The following CPA6 variants were observed in gnomAD, a reference collection of about 807,000 sequenced individuals.
CPA6 encodes carboxypeptidase B.
CPA6 carries 58 observed loss-of-function variants against 63.3 expected under a neutral mutation model. That is an observed-to-expected ratio of 0.92 (90% CI 0.74 to 1.14). The LOEUF is 1.14. Ranked by LOEUF, CPA6 falls within the 50% of genes most tolerant of loss-of-function variation. The pLI, the probability that CPA6 is intolerant of heterozygous loss-of-function variation, is 0.00. For synonymous variants in CPA6, 185 were observed against 179.0 expected, an observed-to-expected ratio of 1.03 and a Z score of -0.27; for missense variants, 565 against 526.6, an observed-to-expected ratio of 1.07 and a Z score of -0.71.
At chr8:67,536,621 A>G (rs906152563) in intron 2 of CPA6, among the ~76,000 whole-genome samples, 10 of 152,328 alleles carry the variant, frequency 6.6e-5, no homozygotes, top group Admixed American at 3.9e-4. Context: ...TTTTCTAAAT[A>G]TGCAATCATG....
chr8:67,480,931 C>T (rs374456603), intron 8 of CPA6, among the ~76,000 whole-genome samples: 4 of 152,192 alleles, frequency 2.6e-5, no homozygotes, highest in South Asian at 4.1e-4. Flanking sequence ...TGACGTTGAG[C>T]GTATTTTCAT....
intron 1 of CPA6, among the ~76,000 whole-genome samples, chr8:67,661,056 T>A (rs1355387542): frequency 6.6e-6 from 1 of 152,226 alleles, no homozygotes; most frequent in Non-Finnish European, 1.5e-5. Context: ...ATTTACTGAA[T>A]GTTCTAAGGA....
intron 1 of CPA6, among the ~76,000 whole-genome samples, chr8:67,639,213 T>C (rs919094114): frequency 6.6e-6 from 1 of 151,580 alleles, no homozygotes; most frequent in African/African-American, 2.4e-5. Context: ...CTATTGCTAC[T>C]GTTATGGGAT....
intron 8 of CPA6, among the ~76,000 whole-genome samples, chr8:67,463,469 AATAAATAG>A (rs531270115): frequency 0.016 from 2,223 of 140,320 alleles, 69 homozygotes; most frequent in African/African-American, 0.062. Context: ...TAAATAAATA[AATAAATAG>A]ATAAATAAAA....
chr8:67,736,297 C>T (rs935300572), intron 1 of CPA6, among the ~76,000 whole-genome samples: 4 of 152,176 alleles, frequency 2.6e-5, no homozygotes, highest in South Asian at 4.1e-4. Flanking sequence ...TCTATCAGCT[C>T]CCCACATTGC....
rs1182688691 is a variant in CPA6 at position 67,506,774 on chromosome 8, G to C, written c.636+13C>G. Reference sequence around the variant, plus strand: ...CTAGCTGAAATGGACATTGTGTAAAGGGTTTAACTTACTTCTTTTACAAAC... The same window carrying C: ...CTAGCTGAAATGGACATTGTGTAAACGGTTTAACTTACTTCTTTTACAAAC... On this transcript the variant is annotated intron_variant, in intron 6 of 10. Transcript: ENST00000297770. 1 of 1,545,416 alleles carries C rather than the reference G, an allele frequency of 6.5e-7. No homozygotes were observed. Among genetic ancestry groups the C allele is most frequent in the East Asian group, 2.2e-5 (1 of 44,580 alleles).
At chr8:67,466,853 A>G (rs1810937782) in intron 8 of CPA6, among the ~76,000 whole-genome samples, 1 of 152,142 alleles carries the variant, frequency 6.6e-6, no homozygotes, top group Non-Finnish European at 1.5e-5. Context: ...TTCACTCCCT[A>G]TGTTTATAGT....
chr8:67,439,304 G>T (rs1227914858), intron 8 of CPA6, among the ~76,000 whole-genome samples: 12 of 151,622 alleles, frequency 7.9e-5, no homozygotes, highest in Admixed American at 7.9e-4. Context: ...TAAAAGAAAA[G>T]AGGCTGGGCA....
At chr8:67,514,074 C>T (rs1359455631) in intron 3 of CPA6, among the ~76,000 whole-genome samples, 1 of 151,908 alleles carries the variant, frequency 6.6e-6, no homozygotes, top group African/African-American at 2.4e-5. Context: ...TCTCATGTCT[C>T]AGCCTCCCGA....
intron 2 of CPA6, among the ~76,000 whole-genome samples, chr8:67,616,701 T>C (rs1360368716): frequency 6.6e-6 from 1 of 152,148 alleles, no homozygotes; most frequent in African/African-American, 2.4e-5. Context: ...GCTAGGATAA[T>C]GTGGCAGAAG....
intron 2 of CPA6, among the ~76,000 whole-genome samples, chr8:67,579,031 C>A (rs1645573265): frequency 1.3e-5 from 2 of 152,180 alleles, no homozygotes; most frequent in Admixed American, 1.3e-4. Flanking sequence ...ACAATAAAAC[C>A]TTTAATATAT....
At chr8:67,582,032 A>C (rs768163562) in intron 2 of CPA6, among the ~76,000 whole-genome samples, 4 of 152,140 alleles carry the variant, frequency 2.6e-5, no homozygotes, top group Non-Finnish European at 5.9e-5. Flanking sequence ...ATTAAACCTA[A>C]AACATCTTTG....
intron 2 of CPA6, among the ~76,000 whole-genome samples, chr8:67,573,054 A>G (rs1212159001): frequency 5.9e-5 from 9 of 152,362 alleles, no homozygotes; most frequent in East Asian, 3.9e-4. Flanking sequence ...CAAAAAATGC[A>G]TTTGACAAAA....
intron 2 of CPA6, among the ~76,000 whole-genome samples, chr8:67,615,086 A>G (rs905942443): frequency 1.1e-4 from 16 of 152,314 alleles, no homozygotes; most frequent in East Asian, 7.7e-4. Context: ...TGATCAGGAC[A>G]ATGGTGCACT....
chr8:67,712,208 G>A lies in CPA6; in HGVS notation c.116+33806C>T, dbSNP rs7014010. Among the ~76,000 whole-genome samples the A allele has an allele frequency of 2.0e-3, 301 of 152,172 alleles. 3 individuals are homozygous for A. The highest frequency in any genetic ancestry group is 0.012 in the South Asian group (56 of 4,824). On this transcript the variant is annotated intron_variant, in intron 1 of 10. Transcript: ENST00000297770. ...CCATGGAGGCCTTGGTGCAGATTGGGTAGAGAGAAATAGTGTATCGGGACC... is the reference window on the plus strand; with the variant it reads ...CCATGGAGGCCTTGGTGCAGATTGGATAGAGAGAAATAGTGTATCGGGACC...
rs117753587 is a variant in CPA6, at chr8:67,589,342, C to A, written c.192+34834G>T. Among the ~76,000 whole-genome samples the A allele has an allele frequency of 8.9e-3, 1,350 of 152,240 alleles. 12 individuals carry two copies. The highest frequency in any genetic ancestry group is 0.012 in the Non-Finnish European group (839 of 68,002). On this transcript the variant is annotated intron_variant, in intron 2 of 10. Coordinates refer to ENST00000297770, the MANE Select transcript of CPA6 (RefSeq NM_020361.5). ...TTGTGCAAATGAAATAATACACTGG[C>A]AAATGAAAATATACCTTGTGGAAGA...
At chr8:67,664,058 G>T (rs369344533) in intron 1 of CPA6, among the ~76,000 whole-genome samples, 2 of 152,102 alleles carry the variant, frequency 1.3e-5, no homozygotes, top group African/African-American at 4.8e-5. Flanking sequence ...AGAAATGAAG[G>T]TTCTCATTTT....
chr8:67,647,913 C>T (rs1815748775), intron 1 of CPA6, among the ~76,000 whole-genome samples: 1 of 152,186 alleles, frequency 6.6e-6, no homozygotes, highest in African/African-American at 2.4e-5. Flanking sequence ...CTACATCTAT[C>T]TCCATTTTCC....
At chr8:67,552,033 T>A (rs1426226985) in intron 2 of CPA6, among the ~76,000 whole-genome samples, 5 of 152,224 alleles carry the variant, frequency 3.3e-5, no homozygotes, top group African/African-American at 1.2e-4. Context: ...CTCCTTTTTA[T>A]CTCAATACTT....
Sources: allele counts gnomAD v4.1 joint callset (sites outside exome capture counted in the v4.1 genomes callset), GRCh38; gene constraint gnomAD v4.1.1; transcripts MANE v1.5; gene names NCBI Gene and HGNC (gene_info 2026-07-23, HGNC 2026-07-21).